The following RHOD variants were observed in gnomAD, a reference collection of about 807,000 sequenced individuals.
RHOD encodes rho-related GTP-binding protein RhoD.
RHOD carries 11 observed loss-of-function variants against 16.7 expected under a neutral mutation model. That is an observed-to-expected ratio of 0.66 (90% confidence interval 0.41 to 1.09). The LOEUF (loss-of-function observed/expected upper bound fraction) is 1.09, where lower values mean the gene tolerates loss of function less well. Among genes scored for constraint, RHOD ranks in the 50% least tolerant of loss-of-function variants. RHOD has a pLI of 0.00. For missense variants in RHOD, 271 were observed against 291.7 expected (o/e 0.93, Z 0.52); for synonymous variants, 124 against 126.3 (o/e 0.98, Z 0.12).
chr11:67,061,774 ATGTGTGTGTGTGTGTG>A, intron 1 of RHOD, among the ~76,000 whole-genome samples: 1 of 136,454 alleles, frequency 7.3e-6, no homozygotes, highest in African/African-American at 2.8e-5. Flanking sequence ...ATATATATAT[ATGTGTGTGTGTGTGTG>A]TATATATATA....
intron 3 of RHOD, among the ~76,000 whole-genome samples, chr11:67,067,599 A>G (rs1854974282): frequency 6.6e-6 from 1 of 152,218 alleles, no homozygotes; most frequent in South Asian, 2.1e-4. Context: ...CCATTCATTC[A>G]GAACGAATGA....
At position 67,056,983 on chromosome 11, in the gene RHOD, C is replaced by T; in HGVS notation, c.81C>T (p.Gly27=). 1 of 1,510,154 alleles carries T rather than the reference C, an allele frequency of 6.6e-7. No individual in the cohort carries two copies. Among genetic ancestry groups the T allele is most frequent in the South Asian group, 1.2e-5 (1 of 80,004 alleles). The allele number at this position is 1,510,154 out of a possible 1,614,324, so 93.5% of individuals were successfully genotyped here. A position where few individuals can be genotyped will look rare whatever the true frequency, so the allele number is the denominator to read the frequency against. ...SVKVVLVGDG[G]CGKTSLLMVF... ...AGGTGGTCCTGGTGGGCGACGGCGG[C>T]TGCGGGAAGACGTCGCTGCTGATGG... Residue 27 remains glycine, a synonymous_variant, in exon 1 of 5, where the codon GGC becomes GGT. Transcript: ENST00000308831.
At chr11:67,068,214 C>T (rs1481563273) in intron 3 of RHOD, among the ~76,000 whole-genome samples, 5 of 152,164 alleles carry the variant, frequency 3.3e-5, no homozygotes, top group African/African-American at 9.6e-5. Flanking sequence ...GCAGGCAGTG[C>T]GATGCATGCG....
At chr11:67,065,801 T>TG (rs1854952163) in intron 1 of RHOD, 95 bp from the exon 2 acceptor site, 1 of 776,178 alleles carries the variant, frequency 1.3e-6, no homozygotes, top group East Asian at 2.7e-5. Flanking sequence ...TACGCTCCAC[T>TG]GACCCCCAAG....
chr11:67,059,740 G>A (rs1854863609), intron 1 of RHOD, among the ~76,000 whole-genome samples: 1 of 152,120 alleles, frequency 6.6e-6, no homozygotes, highest in Non-Finnish European at 1.5e-5. Context: ...CCCGACCAGG[G>A]CCTTCTCCAC....
At chr11:67,061,632 C>CAAAAAAAAAAAAAAAAAAAAAAAAAA (rs56111361) in intron 1 of RHOD, among the ~76,000 whole-genome samples, 1 of 90,784 alleles carries the variant, frequency 1.1e-5, no homozygotes, top group Non-Finnish European at 2.1e-5. Context: ...AACTCTGTCT[C>CAAAAAAAAAAAAAAAAAAAAAAAAAA]AAAAAAAAAA....
rs188689480 is a variant in RHOD, at chr11:67,059,690, G to A, written c.132+2656G>A. 2.2e-4 allele frequency among the ~76,000 whole-genome samples: 34 copies of A among 152,286 alleles called. No homozygotes were observed. In the East Asian group the frequency reaches 2.3e-3, roughly 10 times the overall value. ...AGGCTTACCTGGGGGCACATGGCCC[G>A]GCAGTGGCAGCACTGATCTAGAGCC... On this transcript the variant is annotated intron_variant, in intron 1 of 4. Transcript: ENST00000308831.
intron 1 of RHOD, among the ~76,000 whole-genome samples, chr11:67,061,225 C>T (rs575946238): frequency 5.3e-5 from 8 of 152,230 alleles, no homozygotes; most frequent in African/African-American, 9.6e-5. Context: ...ATTGGCCAGG[C>T]GTGGTGGCTC....
rs1341923562 is a variant in RHOD, at chr11:67,057,025, C to T, written c.123C>T (p.Ala41=). ...TSLLMVFADG[A]FPESYTPTVF... ...TGCTGATGGTCTTCGCCGATGGGGCCTTCCCCGAGGTGAGTGCCCCGCGCC... is the reference window on the plus strand; with the variant it reads ...TGCTGATGGTCTTCGCCGATGGGGCTTTCCCCGAGGTGAGTGCCCCGCGCC... The change falls in exon 1 of 5, where the codon GCC becomes GCT. Residue 41 remains alanine (A), a synonymous_variant. Transcript: ENST00000308831. 4 of 1,492,944 alleles carry T rather than the reference C, an allele frequency of 2.7e-6. No homozygotes were observed. The African/African-American group carries it at 5.8e-5, about 22-fold the overall frequency. 92.5% of individuals were successfully genotyped at this position (1,492,944 alleles called of 1,614,324 possible).
chr11:67,057,901 A>G (rs930126593), intron 1 of RHOD, among the ~76,000 whole-genome samples: 8 of 152,272 alleles, frequency 5.3e-5, no homozygotes, highest in African/African-American at 1.9e-4. Flanking sequence ...CTGCCCAGGC[A>G]GACTCCACGG....
At chr11:67,066,464 C>T (rs1466251797) in intron 2 of RHOD, among the ~76,000 whole-genome samples, 1 of 152,256 alleles carries the variant, frequency 6.6e-6, no homozygotes, top group Non-Finnish European at 1.5e-5. Flanking sequence ...GGCTTCTGAG[C>T]AATTGGCCCC....
intron 1 of RHOD, among the ~76,000 whole-genome samples, chr11:67,057,269 A>G (rs935086404): frequency 6.6e-6 from 1 of 152,224 alleles, no homozygotes; most frequent in African/African-American, 2.4e-5. Flanking sequence ...ACAAGGACTG[A>G]GTGAGGCGAC....
At chr11:67,057,154 C>A in intron 1 of RHOD, 120 bp downstream of exon 1, 1 of 1,224,478 alleles carries the variant, frequency 8.2e-7, no homozygotes, top group Non-Finnish European at 1.1e-6. Context: ...CCCAGCGGGG[C>A]CTGGGGTCCA....
Position 67,071,815 on chromosome 11 carries a change from CCGAG to C in RHOD, c.*214_*217del. On this transcript the variant is annotated 3_prime_UTR_variant, in exon 5 of 5. Coordinates refer to ENST00000308831, the MANE Select transcript of RHOD (RefSeq NM_014578.4). Reference sequence around the variant, plus strand: ...CTGTGTAGGGCTCGTCCTGCGGTGCCCGAGAATCACTCGCTAACCCCTATGCCCG... The same window carrying C: ...CTGTGTAGGGCTCGTCCTGCGGTGCCAATCACTCGCTAACCCCTATGCCCG... The C allele has an allele frequency of 2.0e-6, 1 of 498,352 alleles. No individual in the cohort carries two copies. The highest frequency in any genetic ancestry group is 3.5e-6 in the Non-Finnish European group (1 of 287,366). 30.9% of individuals were successfully genotyped at this position (498,352 alleles called of 1,614,324 possible). A position where few individuals can be genotyped will look rare whatever the true frequency, so the allele number is the denominator to read the frequency against.
In RHOD at chr11:67,071,721, G is replaced by T. The variant is rs1455255653; in HGVS notation, c.*119G>T. 1 of 1,081,472 alleles carries T rather than the reference G, an allele frequency of 9.2e-7. No individual in the cohort carries two copies. The allele number at this position is 1,081,472 out of a possible 1,614,324, so 67.0% of individuals were successfully genotyped here. A position where few individuals can be genotyped will look rare whatever the true frequency, so the allele number is the denominator to read the frequency against. ...CCGAACTCCACTGCAACAGACGGGC[G>T]CCACCAAAGCCAGGCCCTGAGGCCT... On this transcript the variant is annotated 3_prime_UTR_variant, in exon 5 of 5. Coordinates refer to ENST00000308831, the MANE Select transcript of RHOD (RefSeq NM_014578.4).
At chr11:67,064,639 A>G (rs1193732063) in intron 1 of RHOD, among the ~76,000 whole-genome samples, 2 of 152,172 alleles carry the variant, frequency 1.3e-5, no homozygotes, top group Non-Finnish European at 1.5e-5. Flanking sequence ...AACTGGGCCT[A>G]GAGAAGGTGC....
chr11:67,071,678 G>A lies in RHOD; in HGVS notation c.*76G>A, dbSNP rs1432753308. 2 of 1,408,720 alleles carry A rather than the reference G, an allele frequency of 1.4e-6. No homozygotes were observed. The highest frequency in any genetic ancestry group is 5.1e-5 in the East Asian group (2 of 39,026). The allele number at this position is 1,408,720 out of a possible 1,614,324, so 87.3% of individuals were successfully genotyped here. ...TGCTGAGCTGGCTGGGCTGGACCCGGTCCCTAGGCTGTGACCGCCGAACTC... is the reference window on the plus strand; with the variant it reads ...TGCTGAGCTGGCTGGGCTGGACCCGATCCCTAGGCTGTGACCGCCGAACTC... On this transcript the variant is annotated 3_prime_UTR_variant, in exon 5 of 5. Coordinates refer to ENST00000308831, the MANE Select transcript of RHOD (RefSeq NM_014578.4).
At chr11:67,062,284 T>G (rs1163902826) in intron 1 of RHOD, among the ~76,000 whole-genome samples, 1 of 152,100 alleles carries the variant, frequency 6.6e-6, no homozygotes, top group East Asian at 1.9e-4. Context: ...ACTCTCCCCC[T>G]TTAACCAGTG....
At chr11:67,066,070 C>T in intron 2 of RHOD, 87 bp downstream of exon 2, 1 of 1,072,476 alleles carries the variant, frequency 9.3e-7, no homozygotes, top group Non-Finnish European at 1.4e-6. Flanking sequence ...TCCTTCTGAA[C>T]CAGGGAGGCC....
Sources: gnomAD v4.1 joint callset for allele counts (sites outside exome capture counted in the v4.1 genomes callset) on GRCh38, gnomAD v4.1.1 for gene constraint, MANE v1.5 for transcripts, NCBI Gene and HGNC (gene_info 2026-07-23, HGNC 2026-07-21) for gene names.